SLC26A3: variants seen among roughly 807,000 people sequenced by gnomAD.
SLC26A3 encodes the protein chloride anion exchanger.
In SLC26A3, 64 loss-of-function variants were observed where a neutral mutation model predicts 85.6. The observed-to-expected ratio is 0.75, with a 90% CI of 0.61 to 0.92. The LOEUF is 0.92. Among genes scored for constraint, SLC26A3 ranks in the 40% least tolerant of loss-of-function variants. The pLI is 0.00. For synonymous variants in SLC26A3, 349 were observed against 336.0 expected, an observed-to-expected ratio of 1.04 and a Z score of -0.42; for missense variants, 922 against 927.3, an observed-to-expected ratio of 0.99 and a Z score of 0.07.
In SLC26A3 at chr7:107,776,545, C is replaced by G. The variant is rs770666942; in HGVS notation, c.1585-1G>C. On this transcript the variant is annotated splice_acceptor_variant, in intron 14 of 20. Transcript: ENST00000340010. LOFTEE classifies it high-confidence loss of function. Reference sequence around the variant, plus strand: ...TTTTCACTCCTTCTGGCTCATACATCTGTAAGGCAGAGAAGCATTGTTAGG... The same window carrying G: ...TTTTCACTCCTTCTGGCTCATACATGTGTAAGGCAGAGAAGCATTGTTAGG... 3 of 1,613,470 alleles carry G rather than the reference C, an allele frequency of 1.9e-6. No individual in the cohort carries two copies. In the South Asian group the frequency reaches 3.3e-5, roughly 18 times the overall value.
At chr7:107,781,785 C>G (rs1433208449) in intron 11 of SLC26A3, among the ~76,000 whole-genome samples, 1 of 151,918 alleles carries the variant, frequency 6.6e-6, no homozygotes, top group Non-Finnish European at 1.5e-5. Flanking sequence ...GGCTACCAAC[C>G]AACAAGGAAA....
At chr7:107,780,357 C>T (rs1335807446) in intron 11 of SLC26A3, among the ~76,000 whole-genome samples, 1 of 152,154 alleles carries the variant, frequency 6.6e-6, no homozygotes, top group Non-Finnish European at 1.5e-5. Flanking sequence ...GAATATTTCC[C>T]AGGCCAGTAC....
intron 17 of SLC26A3, among the ~76,000 whole-genome samples, chr7:107,772,546 A>G (rs910855561): frequency 6.6e-6 from 1 of 152,198 alleles, no homozygotes; most frequent in African/African-American, 2.4e-5. Flanking sequence ...GAATGTTTAT[A>G]CATTTTTCTG....
In SLC26A3 at chr7:107,783,865, A is replaced by T. The variant is rs151126250; in HGVS notation, c.972-513T>A. Among the ~76,000 whole-genome samples, 313 of 152,314 alleles carry T rather than the reference A, an allele frequency of 2.1e-3. 2 individuals are homozygous for T. The highest frequency in any genetic ancestry group is 7.2e-3 in the African/African-American group (300 of 41,576). The stretch of plus-strand genomic sequence containing the variant: ...TGGACTCTGCCCTGCACTTCACAGA[A>T]ATGCTAGAGACAACCATGACCCTAA... On this transcript the variant is annotated intron_variant, in intron 8 of 20. Transcript: ENST00000340010.
chr7:107,779,562 T>C (rs1292658307), intron 12 of SLC26A3, 106 bp downstream of exon 12: 1 of 945,330 alleles, frequency 1.1e-6, no homozygotes, highest in East Asian at 2.6e-5. Flanking sequence ...AACAGATATA[T>C]AGAAACAAAA....
chr7:107,798,799 C>T (rs1023268413), intron 1 of SLC26A3, among the ~76,000 whole-genome samples: 4 of 152,190 alleles, frequency 2.6e-5, no homozygotes, highest in African/African-American at 7.2e-5. Flanking sequence ...ACACAACTCA[C>T]CTCATGGATC....
chr7:107,802,514 T>A (rs1794616542), intron 1 of SLC26A3, among the ~76,000 whole-genome samples: 1 of 152,100 alleles, frequency 6.6e-6, no homozygotes, highest in South Asian at 2.1e-4. Context: ...CTCTCACTTC[T>A]AGACCATATG....
At chr7:107,778,132 C>T in intron 13 of SLC26A3, 43 bp downstream of exon 13, 1 of 1,338,698 alleles carries the variant, frequency 7.5e-7, no homozygotes, top group Non-Finnish European at 1.1e-6. Context: ...CTGATTTGGG[C>T]AGGTCCAAGC....
intron 3 of SLC26A3, among the ~76,000 whole-genome samples, chr7:107,793,101 G>T (rs1413631336): frequency 1.3e-5 from 2 of 152,210 alleles, no homozygotes; most frequent in African/African-American, 4.8e-5. Context: ...AAGTGTTGAT[G>T]ATATGGAGAA....
At chr7:107,770,000 CTCTT>C (rs3076030) in intron 18 of SLC26A3, among the ~76,000 whole-genome samples, 2,496 of 130,966 alleles carry the variant, frequency 0.019, 40 homozygotes, top group South Asian at 0.033. Context: ...TTCCTTTTTT[CTCTT>C]TCTTTCTTTC....
chr7:107,790,029 T>G (rs1431845188), intron 5 of SLC26A3, among the ~76,000 whole-genome samples: 4 of 152,244 alleles, frequency 2.6e-5, no homozygotes, highest in African/African-American at 7.2e-5. Context: ...GAATCTTACC[T>G]AGCATCAGCC....
In SLC26A3 at chr7:107,786,826, C is replaced by T; in HGVS notation, c.971+1G>A. Reference sequence around the variant, plus strand: ...GATGCCATCATCGAAGACACACTTACCCAGGATTCATGTCCCCAACCACAG... The same window carrying T: ...GATGCCATCATCGAAGACACACTTATCCAGGATTCATGTCCCCAACCACAG... On this transcript the variant is annotated splice_donor_variant, in intron 8 of 20. Transcript: ENST00000340010. LOFTEE classifies it high-confidence loss of function. The T allele has an allele frequency of 1.9e-6, 3 of 1,612,626 alleles. No homozygotes were observed. Among genetic ancestry groups the T allele is most frequent in the Non-Finnish European group, 2.5e-6 (3 of 1,178,700 alleles).
intron 8 of SLC26A3, among the ~76,000 whole-genome samples, chr7:107,784,555 C>T (rs1483878735): frequency 6.6e-6 from 1 of 152,160 alleles, no homozygotes; most frequent in Non-Finnish European, 1.5e-5. Flanking sequence ...CCTCAGCCTC[C>T]CAAGTAGCTG....
At chr7:107,784,953 C>T (rs1463594618) in intron 8 of SLC26A3, among the ~76,000 whole-genome samples, 1 of 152,086 alleles carries the variant, frequency 6.6e-6, no homozygotes, top group East Asian at 1.9e-4. Context: ...ACTAAGGTGG[C>T]ATAGTCATGA....
chr7:107,779,634 T>C (rs761182483), intron 12 of SLC26A3, 34 bp downstream of exon 12: 46 of 1,493,630 alleles, frequency 3.1e-5, no homozygotes, highest in Middle Eastern at 1.7e-4. Context: ...TATTGTGATT[T>C]ATCTCTCTTT....
intron 13 of SLC26A3, among the ~76,000 whole-genome samples, chr7:107,776,968 G>A (rs1794126325): frequency 6.6e-6 from 1 of 152,188 alleles, no homozygotes; most frequent in Non-Finnish European, 1.5e-5. Flanking sequence ...CATTTTGATT[G>A]TGAATATCAC....
rs148586598 is a variant in SLC26A3 at position 107,767,778 on chromosome 7, A to C, written c.2193T>G (p.Phe731Leu). ...AAAGAGCTGATACCTGACTGGGATT[A>C]AACTTTGAAGTACTGTAATCTTTCT... Reference protein sequence around the residue: ...LMKKDYSTSKFNPSQEKDGKI... With the variant: ...LMKKDYSTSKLNPSQEKDGKI... Residue 731 changes from phenylalanine (F) to leucine (L), a missense_variant, in exon 19 of 21, where the codon TTT becomes TTG. Physicochemically the swap from Phe to Leu is conservative, Grantham distance 22. Coordinates refer to ENST00000340010, the MANE Select transcript of SLC26A3 (RefSeq NM_000111.3). 6.2e-7 allele frequency: 1 copy of C among 1,613,936 alleles called. No homozygotes were observed. Among genetic ancestry groups the C allele is most frequent in the African/African-American group, 1.3e-5 (1 of 75,050 alleles).
At chr7:107,793,924 T>A (rs761827019) in intron 2 of SLC26A3, 43 bp from the exon 3 acceptor site, 1 of 1,613,712 alleles carries the variant, frequency 6.2e-7, no homozygotes, top group South Asian at 1.1e-5. Context: ...TAATATCAAA[T>A]TTTAAGTTTA....
chr7:107,773,579 CAG>C (rs1343448891), intron 17 of SLC26A3, among the ~76,000 whole-genome samples: 4 of 152,168 alleles, frequency 2.6e-5, no homozygotes, highest in South Asian at 4.1e-4. Context: ...GTTTTTGAGA[CAG>C]AGTCTCACTG....
Sources: allele counts gnomAD v4.1 joint callset (sites outside exome capture counted in the v4.1 genomes callset), GRCh38; gene constraint gnomAD v4.1.1; transcripts MANE v1.5; gene names NCBI Gene and HGNC (gene_info 2026-07-23, HGNC 2026-07-21).